Variants in CHRNA7 observed in about 807,000 individuals in gnomAD.
The protein encoded by CHRNA7 is cholinergic receptor nicotinic alpha 7 subunit.
CHRNA7 carries 17 observed loss-of-function variants against 48.0 expected under a neutral mutation model. The observed-to-expected ratio is 0.35, with a 90% CI of 0.24 to 0.53. The LOEUF is 0.53. Ranked by LOEUF, CHRNA7 falls within the 20% of genes least tolerant of loss-of-function variation. The pLI is 0.92. For synonymous variants in CHRNA7, 75 were observed against 242.3 expected, an observed-to-expected ratio of 0.31 and a Z score of 6.41; for missense variants, 155 against 577.7, an observed-to-expected ratio of 0.27 and a Z score of 7.50.
intron 4 of CHRNA7, among the ~76,000 whole-genome samples, chr15:32,141,683 A>G (rs959878884): frequency 1.3e-5 from 2 of 152,160 alleles, no homozygotes; most frequent in African/African-American, 4.8e-5. Context: ...TCTTTGTAGC[A>G]ATTGTGAATG....
rs1595503879 is a variant in CHRNA7, at chr15:32,149,375, CTGCGCCGGTGCTG to C, written c.351-4529_351-4517del. Among the ~76,000 whole-genome samples the C allele has an allele frequency of 6.6e-6, 1 of 152,156 alleles. No individual in the cohort carries two copies. The highest frequency in any genetic ancestry group is 1.9e-4 in the East Asian group (1 of 5,182). The stretch of plus-strand genomic sequence containing the variant: ...CATCTGTCGGGCATCCCCGGGGAAG[CTGCGCCGGTGCTG>C]TGGCCACTGAGGTCCTCATAGGGGT... On this transcript the variant is annotated intron_variant, in intron 4 of 9. Coordinates refer to ENST00000306901, the MANE Select transcript of CHRNA7 (RefSeq NM_000746.6). The surrounding 1 kb of genome is among the most constrained non-coding windows in gnomAD (Gnocchi z 4.6).
At chr15:32,050,943 G>A (rs1211212647) in intron 2 of CHRNA7, among the ~76,000 whole-genome samples, 14 of 152,284 alleles carry the variant, frequency 9.2e-5, no homozygotes, top group Non-Finnish European at 1.5e-4. Flanking sequence ...TATCAGCAGC[G>A]GTGTCTGCAG....
intron 4 of CHRNA7, among the ~76,000 whole-genome samples, chr15:32,136,754 C>CG (rs113113106): frequency 0.081 from 12,266 of 151,720 alleles, 1,685 homozygotes; most frequent in African/African-American, 0.28. Context: ...AGGAGAAGGC[C>CG]GGCGCGGTGG....
chr15:32,085,951 T>G (rs901049748), intron 2 of CHRNA7, among the ~76,000 whole-genome samples: 12 of 152,250 alleles, frequency 7.9e-5, no homozygotes, highest in African/African-American at 2.9e-4. Context: ...TTTGATTCTG[T>G]ACTTTTAAGA....
At chr15:32,097,866 A>G (rs920595090) in intron 2 of CHRNA7, among the ~76,000 whole-genome samples, 1 of 152,206 alleles carries the variant, frequency 6.6e-6, no homozygotes, top group African/African-American at 2.4e-5. Context: ...TCATGGTTTC[A>G]GGCTCAAGTG....
At chr15:32,159,940 CA>C (rs2051874952) in intron 8 of CHRNA7, 1 of 7,878 alleles carries the variant, frequency 1.3e-4, no homozygotes, top group African/African-American at 6.7e-4. Flanking sequence ...GTTAGAGATG[CA>C]TCATTTTAGC....
At chr15:32,128,077 C>A (rs1595478383) in intron 4 of CHRNA7, among the ~76,000 whole-genome samples, 1 of 151,824 alleles carries the variant, frequency 6.6e-6, no homozygotes. Context: ...GACTATATTC[C>A]TCTTCTGAAT....
At chr15:32,099,015 A>G (rs776093587) in intron 2 of CHRNA7, 7 of 152,216 alleles carry the variant, frequency 4.6e-5, no homozygotes, top group Non-Finnish European at 8.8e-5. Context: ...TGAACGAATG[A>G]ATGAAAACTC....
intron 2 of CHRNA7, among the ~76,000 whole-genome samples, chr15:32,073,014 G>C (rs532616742): frequency 6.6e-6 from 1 of 152,290 alleles, no homozygotes; most frequent in African/African-American, 2.4e-5. Flanking sequence ...CTGTAGGAAG[G>C]GGGCAACCAT....
At chr15:32,104,198 T>TC (rs2050622021) in intron 3 of CHRNA7, among the ~76,000 whole-genome samples, 1 of 151,834 alleles carries the variant, frequency 6.6e-6, no homozygotes, top group Non-Finnish European at 1.5e-5. Context: ...TCCTCTCCCC[T>TC]CCCCTCTGTT....
chr15:32,045,259 CT>C (rs1450252810), intron 2 of CHRNA7, among the ~76,000 whole-genome samples: 2 of 152,068 alleles, frequency 1.3e-5, no homozygotes, highest in South Asian at 2.1e-4. Context: ...GTCTGTGCTC[CT>C]TCTGAGCCTG....
At chr15:32,134,488 T>A (rs1456318332) in intron 4 of CHRNA7, among the ~76,000 whole-genome samples, 2 of 152,166 alleles carry the variant, frequency 1.3e-5, no homozygotes, top group Non-Finnish European at 2.9e-5. Context: ...CTTGTGCCAT[T>A]TAGCCTTCAT....
intron 2 of CHRNA7, among the ~76,000 whole-genome samples, chr15:32,088,617 AGC>A (rs1247438792): frequency 6.6e-6 from 1 of 152,184 alleles, no homozygotes; most frequent in African/African-American, 2.4e-5. Context: ...TTCAGATTTT[AGC>A]CTATCCGATA....
chr15:32,098,569 T>C (rs2141256208), intron 2 of CHRNA7: 1 of 152,590 alleles, frequency 6.6e-6, no homozygotes, highest in East Asian at 1.9e-4. Flanking sequence ...AATGCCTGGA[T>C]AGAGCCTTGG....
chr15:32,079,330 G>T (rs979151859), intron 2 of CHRNA7, among the ~76,000 whole-genome samples: 1 of 151,966 alleles, frequency 6.6e-6, no homozygotes, highest in East Asian at 1.9e-4. Context: ...AGAAGTAGAG[G>T]GTATTCAAAT....
In CHRNA7 at chr15:32,037,794, G is replaced by A. The variant is rs529497251; in HGVS notation, c.195+6757G>A. Among the ~76,000 whole-genome samples the A allele has an allele frequency of 1.0e-3, 157 of 151,988 alleles. 1 individual carries two copies. The highest frequency in any genetic ancestry group is 0.01 in the Middle Eastern group (3 of 294). The stretch of plus-strand genomic sequence containing the variant: ...TGCTGTAATTGTTTATTAGCTCCTG[G>A]AGATTTTTTTTTTGGTCAGTTATTT... On this transcript the variant is annotated intron_variant, in intron 2 of 9. Coordinates refer to ENST00000306901, the MANE Select transcript of CHRNA7 (RefSeq NM_000746.6).
intron 2 of CHRNA7, among the ~76,000 whole-genome samples, chr15:32,080,357 C>G (rs1167432948): frequency 6.6e-6 from 1 of 152,132 alleles, no homozygotes; most frequent in African/African-American, 2.4e-5. Context: ...AGTGAACAGA[C>G]AGCCTATAGA....
chr15:32,122,019 CTT>C (rs934477123), intron 4 of CHRNA7, among the ~76,000 whole-genome samples: 17 of 152,198 alleles, frequency 1.1e-4, no homozygotes, highest in Admixed American at 2.6e-4. Context: ...TTGGAGGACT[CTT>C]TGTAAACATC....
rs745360664 is a variant in CHRNA7, at chr15:32,111,783, G to T, written c.241-7G>T. ...TGAAGTGCTGCTAATGTCATTGTGT[G>T]TGTCAGTCTTGGACAGATCACTATT... On this transcript the variant is annotated splice_region_variant and splice_polypyrimidine_tract_variant and intron_variant, in intron 3 of 9. Coordinates refer to ENST00000306901, the MANE Select transcript of CHRNA7 (RefSeq NM_000746.6). The T allele has an allele frequency of 6.4e-7, 1 of 1,558,614 alleles. No individual in the cohort carries two copies. The highest frequency in any genetic ancestry group is 8.8e-7 in the Non-Finnish European group (1 of 1,130,792).
Sources: gnomAD v4.1 joint callset for allele counts (sites outside exome capture counted in the v4.1 genomes callset) on GRCh38, gnomAD v4.1.1 for gene constraint, Gnocchi (gnomAD v3.1) non-coding constraint, MANE v1.5 for transcripts, NCBI Gene and HGNC (gene_info 2026-07-23, HGNC 2026-07-21) for gene names.